Variants in PAX3 observed in about 807,000 individuals in gnomAD.
The protein encoded by PAX3 is paired box 3, also known as paired box protein Pax-3.
A neutral mutation model predicts 51.6 loss-of-function variants in PAX3; 14 were observed. The ratio of observed to expected loss-of-function variants is 0.27; its 90% CI spans 0.18 to 0.42. The LOEUF (loss-of-function observed/expected upper bound fraction) is 0.42. PAX3 is among the 10% of genes least tolerant of loss of function. PAX3 has a pLI of 1.00. For missense variants in PAX3, 540 were observed against 642.8 expected, an observed-to-expected ratio of 0.84 and a Z score of 1.73; for synonymous variants, 280 against 253.4, an observed-to-expected ratio of 1.11 and a Z score of -1.00.
chr2:222,279,093 G>A (rs1467828815), intron 4 of PAX3, among the ~76,000 whole-genome samples: 2 of 152,184 alleles, frequency 1.3e-5, no homozygotes, highest in Non-Finnish European at 2.9e-5. Flanking sequence ...TGGGACTACA[G>A]GCACCTGCCA....
At position 222,284,710 on chromosome 2, in the gene PAX3, T is replaced by A. The variant is rs376397724; in HGVS notation, c.586+9457A>T. Among the ~76,000 whole-genome samples, 48 of 152,338 alleles carry A rather than the reference T, an allele frequency of 3.2e-4. No homozygotes were observed. In the South Asian group the frequency reaches 6.4e-3, roughly 20 times the overall value. On this transcript the variant is annotated intron_variant, in intron 4 of 8. Transcript: ENST00000392070. ...CTGCCCTTGGGCAGAGCCCATCTGC[T>A]AGTTTGTAGGCTGGTCACTTTCTGA...
intron 4 of PAX3, among the ~76,000 whole-genome samples, chr2:222,234,269 A>G (rs531313796): frequency 6.2e-4 from 94 of 152,236 alleles, no homozygotes; most frequent in African/African-American, 2.2e-3. Context: ...TGATTTTTCA[A>G]TTATCTAATT....
intron 4 of PAX3, among the ~76,000 whole-genome samples, chr2:222,260,565 GTTTTTTTTTTTTGTTTTTTTTTTTTGTT>G (rs1693812224): frequency 1.8e-4 from 10 of 55,862 alleles, no homozygotes; most frequent in Admixed American, 4.5e-4. Flanking sequence ...TTTTTTTTTT[GTTTTTTTTTTTTGTTTTTTTTTTTTGTT>G]TTTTTTTTTT....
chr2:222,212,121 C>A (rs1691761917), intron 7 of PAX3, among the ~76,000 whole-genome samples: 1 of 151,958 alleles, frequency 6.6e-6, no homozygotes, highest in Admixed American at 6.6e-5. Flanking sequence ...AGAAATTTTG[C>A]CTGGAAGAGT....
Position 222,202,180 on chromosome 2 carries a change from A to G in PAX3, c.1184T>C (p.Leu395Pro), listed in dbSNP as rs1691322279. Residue 395 changes from leucine to proline, a missense_variant, in exon 8 of 9, where the codon CTC becomes CCC. Leu to Pro is a moderately conservative substitution (Grantham distance 98). Coordinates refer to ENST00000392070, the MANE Select transcript of PAX3 (RefSeq NM_181458.4). ...AGGTACCCCACCGTGGTTGGTCAGG[A>G]GTCCCATTACCTAAAAAAACAGCCA... ...GNGLSPQVMG[L>P]LTNHGGVPHQ... The G allele has an allele frequency of 6.3e-7, 1 of 1,594,974 alleles. No homozygotes were observed. Among genetic ancestry groups the G allele is most frequent in the South Asian group, 1.1e-5 (1 of 88,898 alleles).
At chr2:222,220,403 G>A (rs1309655082) in intron 6 of PAX3, 49 bp from the exon 7 acceptor site, 40 of 1,586,478 alleles carry the variant, frequency 2.5e-5, no homozygotes, top group Non-Finnish European at 3.5e-5. Context: ...TAGGCCAGCA[G>A]AGAAAGTTCA....
intron 4 of PAX3, among the ~76,000 whole-genome samples, chr2:222,253,912 C>T (rs560130656): frequency 9.9e-5 from 15 of 152,264 alleles, no homozygotes; most frequent in African/African-American, 3.6e-4. Flanking sequence ...GCCTTGGCCT[C>T]CCAAAGTGGC....
rs1691480570 is a variant in PAX3, at chr2:222,205,747, A to C, written c.1174-3557T>G. Among the ~76,000 whole-genome samples, 3 of 152,208 alleles carry C rather than the reference A, an allele frequency of 2.0e-5. No individual in the cohort carries two copies. The South Asian group carries it at 6.2e-4, about 32-fold the overall frequency. The stretch of plus-strand genomic sequence containing the variant: ...GTTGGTGGGGGGAGTGAGGACATCA[A>C]TAGAAAATGCATTACTCTCCCCTCA... On this transcript the variant is annotated intron_variant, in intron 7 of 8. Transcript: ENST00000392070.
In PAX3 at chr2:222,232,096, G is replaced by A; in HGVS notation, c.774C>T (p.Leu258=). The A allele has an allele frequency of 6.2e-7, 1 of 1,613,986 alleles. No homozygotes were observed. The change falls in exon 5 of 9, where the codon CTC becomes CTT. Residue 258 remains leucine (L), a synonymous_variant. Coordinates refer to ENST00000392070, the MANE Select transcript of PAX3 (RefSeq NM_181458.4). ...TREELAQRAK[L]TEARVQVWFS... is the part of the protein sequence containing the mutation. ...ACAGTACCTGTACTCGGGCCTCGGTGAGCTTCGCCCTCTGGGCCAGTTCCT... is the reference window on the plus strand; with the variant it reads ...ACAGTACCTGTACTCGGGCCTCGGTAAGCTTCGCCCTCTGGGCCAGTTCCT...
rs1033326835 is a variant in PAX3 at position 222,270,343 on chromosome 2, C to A, written c.586+23824G>T. 2.0e-5 allele frequency among the ~76,000 whole-genome samples: 3 copies of A among 152,186 alleles called. No individual in the cohort carries two copies. In the South Asian group the frequency reaches 6.2e-4, roughly 31 times the overall value. On this transcript the variant is annotated intron_variant, in intron 4 of 8. Transcript: ENST00000392070. ...CAGACCATTGTCAGGGCTTCTCTCC[C>A]CTCACTGGATGCTTTGGTAAACAGA...
intron 7 of PAX3, among the ~76,000 whole-genome samples, chr2:222,209,315 A>G (rs1691629718): frequency 6.6e-6 from 1 of 152,192 alleles, no homozygotes; most frequent in South Asian, 2.1e-4. Flanking sequence ...TACAGAAAAG[A>G]CGCTTCCTTG....
Position 222,297,103 on chromosome 2 carries a change from C to G in PAX3, c.196G>C (p.Gly66Arg). The G allele has an allele frequency of 6.2e-7, 1 of 1,613,884 alleles. No homozygotes were observed. Among genetic ancestry groups the G allele is most frequent in the South Asian group, 1.1e-5 (1 of 91,038 alleles). ...CGCGAGATGACGCAGGGCCGGATGC[C>G]GTGGTGGGCCATCTCCACGATCTTG... ...RHKIVEMAHH[G>R]IRPCVISRQL... The change falls in exon 2 of 9, where the codon GGC (glycine) becomes CGC (arginine). Residue 66 changes from glycine (G) to arginine (R), a missense_variant. Coordinates refer to ENST00000392070, the MANE Select transcript of PAX3 (RefSeq NM_181458.4).
At chr2:222,203,981 G>C (rs987367458) in intron 7 of PAX3, among the ~76,000 whole-genome samples, 32 of 152,122 alleles carry the variant, frequency 2.1e-4, no homozygotes, top group African/African-American at 7.7e-4. Flanking sequence ...AAGGTGGGCT[G>C]GTGTGGGCAA....
chr2:222,237,820 T>C (rs1039476053), intron 4 of PAX3, among the ~76,000 whole-genome samples: 5 of 152,142 alleles, frequency 3.3e-5, no homozygotes, highest in African/African-American at 1.2e-4. Context: ...GTATTTTGTA[T>C]TACAATGAAT....
At chr2:222,292,987 C>T (rs1215414861) in intron 4 of PAX3, among the ~76,000 whole-genome samples, 1 of 152,192 alleles carries the variant, frequency 6.6e-6, no homozygotes, top group Non-Finnish European at 1.5e-5. Context: ...AGCAGCTGCT[C>T]AGGAGAGCCA....
intron 4 of PAX3, among the ~76,000 whole-genome samples, chr2:222,288,049 T>G (rs1446740280): frequency 1.3e-5 from 2 of 152,214 alleles, no homozygotes; most frequent in African/African-American, 4.8e-5. Flanking sequence ...AGCACAGAGA[T>G]AGTATTTCCA....
At chr2:222,253,180 T>C (rs942290505) in intron 4 of PAX3, among the ~76,000 whole-genome samples, 2 of 152,154 alleles carry the variant, frequency 1.3e-5, no homozygotes, top group African/African-American at 4.8e-5. Flanking sequence ...AAATGATCAG[T>C]TGGGTGAGCT....
chr2:222,298,895 T>G lies in PAX3; in HGVS notation c.-280A>C. ...GAGTCTGGGCAAATGTTCCAGCGAC[T>G]GGGGTCCCTGAAAAGGGGGCTCAGA... On this transcript the variant is annotated 5_prime_UTR_variant, in exon 1 of 9. Coordinates refer to ENST00000392070, the MANE Select transcript of PAX3 (RefSeq NM_181458.4). 1.9e-6 allele frequency: 1 copy of G among 537,628 alleles called. No individual in the cohort carries two copies. The highest frequency in any genetic ancestry group is 3.4e-6 in the Non-Finnish European group (1 of 298,474). The allele number at this position is 537,628 out of a possible 1,614,324, so 33.3% of individuals were successfully genotyped here.
At chr2:222,281,685 G>A (rs779625774) in intron 4 of PAX3, among the ~76,000 whole-genome samples, 2 of 152,244 alleles carry the variant, frequency 1.3e-5, no homozygotes, top group African/African-American at 2.4e-5. Flanking sequence ...TTCCTGTGTG[G>A]AGAGCTGCAT....
Sources: allele counts gnomAD v4.1 joint callset (sites outside exome capture counted in the v4.1 genomes callset), GRCh38; gene constraint gnomAD v4.1.1; transcripts MANE v1.5; gene names NCBI Gene and HGNC (gene_info 2026-07-23, HGNC 2026-07-21).